Variants in FKBP10 observed in about 807,000 individuals in gnomAD.
FKBP10 encodes FKBP prolyl isomerase 10.
FKBP10 carries 34 observed loss-of-function variants against 53.7 expected under a neutral mutation model. That is an observed-to-expected ratio of 0.63 (90% CI 0.48 to 0.84). FKBP10 has a LOEUF of 0.84. FKBP10 is among the 40% of genes least tolerant of loss of function. The probability of loss-of-function intolerance (pLI) is 0.00; values close to 1 mark genes in which losing one functional copy is unlikely to be tolerated. For synonymous variants in FKBP10, 324 were observed against 335.7 expected (o/e 0.97, Z 0.38); for missense variants, 748 against 797.8 (o/e 0.94, Z 0.75).
chr17:41,813,060 A>G lies in FKBP10; in HGVS notation c.26A>G (p.His9Arg), dbSNP rs2047767600. The change falls in exon 1 of 10, where the codon CAC becomes CGC. Residue 9 changes from histidine (H) to arginine (R), a missense_variant. Coordinates refer to ENST00000321562, the MANE Select transcript of FKBP10 (RefSeq NM_021939.4). The part of the protein sequence containing the change: MFPAGPPS[H>R]SLLRLPLLQL... ...ATGTTCCCCGCGGGCCCCCCCAGCCACAGCCTCCTCCGGCTCCCCCTGCTG... is the reference window on the plus strand; with the variant it reads ...ATGTTCCCCGCGGGCCCCCCCAGCCGCAGCCTCCTCCGGCTCCCCCTGCTG... The G allele has an allele frequency of 1.9e-6, 3 of 1,610,170 alleles. No individual in the cohort carries two copies. The highest frequency in any genetic ancestry group is 2.5e-6 in the Non-Finnish European group (3 of 1,179,662).
At chr17:41,818,883 G>T in intron 4 of FKBP10, 1 of 417,694 alleles carries the variant, frequency 2.4e-6, no homozygotes, top group East Asian at 5.2e-5. Context: ...GTGAACCCGG[G>T]AGGCGGAGCT....
At chr17:41,821,966 G>C in intron 9 of FKBP10, 149 bp downstream of exon 9, 1 of 1,036,918 alleles carries the variant, frequency 9.6e-7, no homozygotes, top group Non-Finnish European at 1.4e-6. Flanking sequence ...CCTTGTCCCT[G>C]CTTTTTCCTG....
In FKBP10 at chr17:41,817,007, AGTGT is replaced by A. The variant is rs138188784; in HGVS notation, c.246-42_246-39del. On this transcript the variant is annotated intron_variant, in intron 1 of 9. Transcript: ENST00000321562. The stretch of plus-strand genomic sequence containing the variant: ...CCTGTGCATCTGTGCCACCATGGGC[AGTGT>A]GTGTGTGTCTGAGGTCACTGTATCC... 1.9e-6 allele frequency: 3 copies of A among 1,606,968 alleles called. No individual in the cohort carries two copies. The East Asian group carries it at 6.7e-5, about 36-fold the overall frequency.
chr17:41,815,789 A>T (rs1287914037), intron 1 of FKBP10, among the ~76,000 whole-genome samples: 2 of 3,292 alleles, frequency 6.1e-4, no homozygotes, highest in Non-Finnish European at 2.1e-3. Context: ...CCTTCAATTA[A>T]AAAAAAAAAA....
At chr17:41,817,946 A>G in intron 2 of FKBP10, 143 bp from the exon 3 acceptor site, 1 of 916,798 alleles carries the variant, frequency 1.1e-6, no homozygotes, top group Non-Finnish European at 1.7e-6. Context: ...TCTTAAAAAA[A>G]AAAAACAAAA....
chr17:41,822,120 A>G, intron 9 of FKBP10, 103 bp from the exon 10 acceptor site: 5 of 1,199,346 alleles, frequency 4.2e-6, no homozygotes, highest in Non-Finnish European at 4.8e-6. Context: ...AGCCTGGGAA[A>G]AAAGAAGAAA....
chr17:41,822,587 G>A lies in FKBP10; in HGVS notation c.*179G>A, dbSNP rs970161671. 1 of 696,014 alleles carries A rather than the reference G, an allele frequency of 1.4e-6. No individual in the cohort carries two copies. The allele number at this position is 696,014 out of a possible 1,614,324, so 43.1% of individuals were successfully genotyped here. ...CCACCACCCTAGATGAAAATCCACAGCACAGACCTCTACCGTGTTTCTCTT... is the reference window on the plus strand; with the variant it reads ...CCACCACCCTAGATGAAAATCCACAACACAGACCTCTACCGTGTTTCTCTT... On this transcript the variant is annotated 3_prime_UTR_variant, in exon 10 of 10. Transcript: ENST00000321562.
At position 41,821,957 on chromosome 17, in the gene FKBP10, C is replaced by T. The variant is rs2241775; in HGVS notation, c.1563+140C>T. 5.8e-3 allele frequency: 6,200 copies of T among 1,067,994 alleles called. 214 individuals carry two copies. The East Asian group carries it at 0.095, about 16-fold the overall frequency. The allele number at this position is 1,067,994 out of a possible 1,614,324, so 66.2% of individuals were successfully genotyped here. A position where few individuals can be genotyped will look rare whatever the true frequency, so the allele number is the denominator to read the frequency against. Reference sequence around the variant, plus strand: ...GCGCTGAGTCCCACGCCTCAGGCTCCTTGTCCCTGCTTTTTCCTGGGCACA... The same window carrying T: ...GCGCTGAGTCCCACGCCTCAGGCTCTTTGTCCCTGCTTTTTCCTGGGCACA... On this transcript the variant is annotated intron_variant, in intron 9 of 9. Coordinates refer to ENST00000321562, the MANE Select transcript of FKBP10 (RefSeq NM_021939.4).
In FKBP10 at chr17:41,821,032, G is replaced by T. The variant is rs2047884708; in HGVS notation, c.1342G>T (p.Val448Leu). 2 of 1,599,848 alleles carry T rather than the reference G, an allele frequency of 1.3e-6. No individual in the cohort carries two copies. The highest frequency in any genetic ancestry group is 8.5e-7 in the Non-Finnish European group (1 of 1,173,304). The change falls in exon 8 of 10, where the codon GTG (valine) becomes TTG (leucine). Residue 448 changes from valine (V) to leucine (L), a missense_variant. Val to Leu is a conservative substitution (Grantham distance 32). Transcript: ENST00000321562. Reference sequence around the variant, plus strand: ...GGACACGGGCCTGCAGGGCATGTGTGTGGGAGAGAGGCGGCAGCTCATCGT... The same window carrying T: ...GGACACGGGCCTGCAGGGCATGTGTTTGGGAGAGAGGCGGCAGCTCATCGT... ...GLDTGLQGMCVGERRQLIVPP... is the reference protein window; with the variant it reads ...GLDTGLQGMCLGERRQLIVPP...
At position 41,819,350 on chromosome 17, in the gene FKBP10, C is replaced by T. The variant is rs782198044; in HGVS notation, c.868C>T (p.Arg290Cys). ...CAGAGCCGGGGCCGGGGACTTCATGCGCTACCACTACAATGGCTCCTTGAT... is the reference window on the plus strand; with the variant it reads ...CAGAGCCGGGGCCGGGGACTTCATGTGCTACCACTACAATGGCTCCTTGAT... ...VRRAGAGDFM[R>C]YHYNGSLMDG... is the part of the protein sequence containing the mutation. The change falls in exon 5 of 10, where the codon CGC becomes TGC. Residue 290 changes from arginine to cysteine, a missense_variant. Arg to Cys is a radical substitution (Grantham distance 180). Coordinates refer to ENST00000321562, the MANE Select transcript of FKBP10 (RefSeq NM_021939.4). 5.6e-6 allele frequency: 9 copies of T among 1,613,830 alleles called. No individual in the cohort carries two copies. The highest frequency in any genetic ancestry group is 2.2e-5 in the South Asian group (2 of 91,070).
intron 2 of FKBP10, among the ~76,000 whole-genome samples, chr17:41,817,698 G>A (rs1286045277): frequency 4.0e-5 from 6 of 150,566 alleles, no homozygotes; most frequent in Admixed American, 6.6e-5. Context: ...GTGCGATCTC[G>A]GCTCACTGCA....
rs782323169 is a variant in FKBP10, at chr17:41,820,471, G to C, written c.1256+10G>C. ...CCCAGCTGTTCACCTCGTGGGTCCG[G>C]GGGGGGGCCGGGACTGGGCAGGTGG... On this transcript the variant is annotated intron_variant, in intron 7 of 9. Coordinates refer to ENST00000321562, the MANE Select transcript of FKBP10 (RefSeq NM_021939.4). 4 of 1,612,656 alleles carry C rather than the reference G, an allele frequency of 2.5e-6. No individual in the cohort carries two copies. The South Asian group carries it at 3.3e-5, about 13-fold the overall frequency.
rs11079016 is a variant in FKBP10 at position 41,819,772 on chromosome 17, G to A, written c.1063+97G>A. On this transcript the variant is annotated intron_variant, in intron 6 of 9. Coordinates refer to ENST00000321562, the MANE Select transcript of FKBP10 (RefSeq NM_021939.4). Reference sequence around the variant, plus strand: ...CACAGTGGGATTCCAGGCACCGCTCGGCCCCTCTCATCACAAAAACATGCA... The same window carrying A: ...CACAGTGGGATTCCAGGCACCGCTCAGCCCCTCTCATCACAAAAACATGCA... The A allele has an allele frequency of 0.15, 233,343 of 1,545,130 alleles. 18,649 individuals carry two copies. Among genetic ancestry groups the A allele is most frequent in the Non-Finnish European group, 0.16 (182,328 of 1,144,388 alleles).
At chr17:41,820,632 T>C (rs1337044094) in intron 7 of FKBP10, 171 bp downstream of exon 7, 6 of 733,480 alleles carry the variant, frequency 8.2e-6, no homozygotes, top group Admixed American at 2.6e-5. Context: ...GTCGAGGAGA[T>C]GAAATTCTCT....
chr17:41,822,465 G>T lies in FKBP10; in HGVS notation c.*57G>T. 6.5e-7 allele frequency: 1 copy of T among 1,541,906 alleles called. No individual in the cohort carries two copies. The highest frequency in any genetic ancestry group is 8.8e-7 in the Non-Finnish European group (1 of 1,138,418). Reference sequence around the variant, plus strand: ...AGAGGCCCACTGCGAGGGGGACAGTGGCGGTGGGACTGACCTGCTGACAGT... The same window carrying T: ...AGAGGCCCACTGCGAGGGGGACAGTTGCGGTGGGACTGACCTGCTGACAGT... On this transcript the variant is annotated 3_prime_UTR_variant, in exon 10 of 10. Coordinates refer to ENST00000321562, the MANE Select transcript of FKBP10 (RefSeq NM_021939.4).
At chr17:41,814,073 T>A (rs2047784920) in intron 1 of FKBP10, among the ~76,000 whole-genome samples, 1 of 152,196 alleles carries the variant, frequency 6.6e-6, no homozygotes, top group South Asian at 2.1e-4. Context: ...TCCACTTTTG[T>A]TAGCGGGGAC....
In FKBP10 at chr17:41,819,333, G is replaced by T. The variant is rs781857001; in HGVS notation, c.851G>T (p.Gly284Val). ...CCCCCCGGCTGTGTCCGCAGAGCCG[G>T]GGCCGGGGACTTCATGCGCTACCAC... Reference protein sequence around the residue: ...ELPPGCVRRAGAGDFMRYHYN... With the variant: ...ELPPGCVRRAVAGDFMRYHYN... The change falls in exon 5 of 10, where the codon GGG becomes GTG. Residue 284 changes from glycine (G) to valine (V), a missense_variant. Physicochemically the swap from Gly to Val is moderately radical, Grantham distance 109 (BLOSUM62 -3). Coordinates refer to ENST00000321562, the MANE Select transcript of FKBP10 (RefSeq NM_021939.4). 1 of 1,614,116 alleles carries T rather than the reference G, an allele frequency of 6.2e-7. No homozygotes were observed. Among genetic ancestry groups the T allele is most frequent in the South Asian group, 1.1e-5 (1 of 91,078 alleles).
Position 41,819,216 on chromosome 17 carries a change from T to C in FKBP10, c.734T>C (p.Val245Ala), listed in dbSNP as rs782631729. The change falls in exon 5 of 10, where the codon GTG (valine) becomes GCG (alanine). Residue 245 changes from valine (V) to alanine (A), a missense_variant. Transcript: ENST00000321562. ...LAYGEKGYGT[V>A]IPPQASLVFH... Reference sequence around the variant, plus strand: ...AGCCCTATCCCTTCCCCAGGGACAGTGATCCCCCCACAGGCCTCGCTGGTC... The same window carrying C: ...AGCCCTATCCCTTCCCCAGGGACAGCGATCCCCCCACAGGCCTCGCTGGTC... 4 of 1,614,138 alleles carry C rather than the reference T, an allele frequency of 2.5e-6. No homozygotes were observed. The highest frequency in any genetic ancestry group is 3.4e-6 in the Non-Finnish European group (4 of 1,180,024).
chr17:41,818,371 A>G lies in FKBP10; in HGVS notation c.582-11A>G, dbSNP rs782545047. 5 of 1,613,866 alleles carry G rather than the reference A, an allele frequency of 3.1e-6. No homozygotes were observed. The African/African-American group carries it at 6.7e-5, about 22-fold the overall frequency. On this transcript the variant is annotated splice_polypyrimidine_tract_variant and intron_variant, in intron 3 of 9. Transcript: ENST00000321562. ...AGCCTGCCTCTCCCACCTCCACCTC[A>G]TTTTCTGCAGCTACAGTAAGGGCGG...
Sources: gnomAD v4.1 joint callset for allele counts (sites outside exome capture counted in the v4.1 genomes callset) on GRCh38, gnomAD v4.1.1 for gene constraint, MANE v1.5 for transcripts, NCBI Gene and HGNC (gene_info 2026-07-23, HGNC 2026-07-21) for gene names.